SYT14: variants seen among roughly 807,000 people sequenced by gnomAD.
SYT14 encodes synaptotagmin-14.
In SYT14, 32 loss-of-function variants were observed where a neutral mutation model predicts 74.2. The observed-to-expected ratio is 0.43, with a 90% CI of 0.33 to 0.58. The LOEUF (loss-of-function observed/expected upper bound fraction) is 0.58, where lower values mean the gene tolerates loss of function less well. SYT14 is among the 20% of genes least tolerant of loss of function. The pLI is 0.05. For synonymous variants in SYT14, 298 were observed against 337.7 expected (o/e 0.88, Z 1.29); for missense variants, 791 against 981.8 (o/e 0.81, Z 2.60).
chr1:210,162,692 T>C (rs1184170305), exon 10 of SYT14: 2 of 450,076 alleles, frequency 4.4e-6, no homozygotes, highest in South Asian at 3.2e-5. Context: ...AACAAAACAA[T>C]GCGTAGATAT....
chr1:210,155,711 T>G lies in SYT14; in HGVS notation c.2035-10T>G. On this transcript the variant is annotated splice_polypyrimidine_tract_variant and intron_variant, in intron 7 of 9. Coordinates refer to ENST00000637265, the Ensembl canonical transcript of SYT14. ...GCAAAATACTATAAAAATGTTATTATTGATTACAGGGCTGTGACTCCCAAA... is the reference window on the plus strand; with the variant it reads ...GCAAAATACTATAAAAATGTTATTAGTGATTACAGGGCTGTGACTCCCAAA... 6.2e-7 allele frequency: 1 copy of G among 1,613,856 alleles called. No individual in the cohort carries two copies. Among genetic ancestry groups the G allele is most frequent in the Non-Finnish European group, 8.5e-7 (1 of 1,179,852 alleles).
chr1:210,056,947 C>T (rs967239381), intron 5 of SYT14, among the ~76,000 whole-genome samples: 1 of 151,914 alleles, frequency 6.6e-6, no homozygotes, highest in African/African-American at 2.4e-5. Flanking sequence ...CAGGCTCAAG[C>T]AATTCTCCTG....
intron 5 of SYT14, among the ~76,000 whole-genome samples, chr1:210,036,637 T>A (rs1369139490): frequency 2.6e-5 from 4 of 152,260 alleles, no homozygotes; most frequent in Non-Finnish European, 4.4e-5. Flanking sequence ...GATTTTATCA[T>A]GAAGAGATGC....
At chr1:210,118,698 C>T (rs954214166) in intron 7 of SYT14, among the ~76,000 whole-genome samples, 2 of 151,950 alleles carry the variant, frequency 1.3e-5, no homozygotes, top group South Asian at 2.1e-4. Context: ...AGGCTGGTCT[C>T]GAACTCCTGA....
At chr1:210,121,521 G>A (rs574172278) in intron 7 of SYT14, among the ~76,000 whole-genome samples, 20 of 152,244 alleles carry the variant, frequency 1.3e-4, no homozygotes, top group Non-Finnish European at 2.2e-4. Context: ...AGGGCCAGGC[G>A]CGGTGGCTCA....
chr1:210,115,607 G>A (rs776113232), intron 7 of SYT14, among the ~76,000 whole-genome samples: 4 of 151,348 alleles, frequency 2.6e-5, no homozygotes, highest in Non-Finnish European at 5.9e-5. Context: ...TAAGAGAAGG[G>A]AGAGATTGAA....
chr1:209,993,103 G>A (rs1047776117), intron 2 of SYT14, among the ~76,000 whole-genome samples: 3 of 152,174 alleles, frequency 2.0e-5, no homozygotes, highest in Admixed American at 6.5e-5. Flanking sequence ...GCAGAGCCTG[G>A]GAGTTTTTGT....
intron 2 of SYT14, among the ~76,000 whole-genome samples, chr1:209,963,380 G>T (rs1333993411): frequency 6.6e-6 from 1 of 152,016 alleles, no homozygotes; most frequent in African/African-American, 2.4e-5. Flanking sequence ...TCTCTCCTAA[G>T]GTCTTTTCCA....
intron 5 of SYT14, among the ~76,000 whole-genome samples, chr1:210,066,835 T>A (rs916296071): frequency 6.6e-6 from 1 of 152,100 alleles, no homozygotes; most frequent in African/African-American, 2.4e-5. Flanking sequence ...AATTTCAATT[T>A]ATCTCTTGGT....
intron 7 of SYT14, among the ~76,000 whole-genome samples, chr1:210,102,754 T>G (rs975134831): frequency 2.0e-5 from 3 of 152,122 alleles, no homozygotes; most frequent in Admixed American, 6.6e-5. Flanking sequence ...CAATCATGGC[T>G]GATTGTAGCC....
chr1:210,103,614 T>G (rs1000688946), intron 7 of SYT14, among the ~76,000 whole-genome samples: 7 of 150,570 alleles, frequency 4.6e-5, no homozygotes, highest in African/African-American at 1.5e-4. Context: ...TCTTGATCAA[T>G]GCATGATAGA....
At chr1:210,109,591 G>A (rs200751357) in intron 7 of SYT14, among the ~76,000 whole-genome samples, 7 of 119,688 alleles carry the variant, frequency 5.8e-5, no homozygotes, top group African/African-American at 8.3e-5. Flanking sequence ...AAAAAAAAAA[G>A]AGAGAAAAAA....
In SYT14 at chr1:210,056,748, T is replaced by C. The variant is rs564684395; in HGVS notation, c.1312+35494T>C. Among the ~76,000 whole-genome samples, 207 of 150,460 alleles carry C rather than the reference T, an allele frequency of 1.4e-3. 1 individual carries two copies. The highest frequency in any genetic ancestry group is 4.6e-3 in the African/African-American group (190 of 41,078). On this transcript the variant is annotated intron_variant, in intron 5 of 9. Transcript: ENST00000637265. ...GGCTGAGGCAGGAGAATCACGCCAC[T>C]GCACTCCAGCCTGGGCAACAGAGCG...
At chr1:210,081,166 G>C (rs1377865338) in intron 5 of SYT14, among the ~76,000 whole-genome samples, 1 of 152,174 alleles carries the variant, frequency 6.6e-6, no homozygotes, top group African/African-American at 2.4e-5. Context: ...GGATGTCTGA[G>C]ACTTTTCTTA....
chr1:210,068,110 C>A (rs1415554148), intron 5 of SYT14, among the ~76,000 whole-genome samples: 1 of 151,670 alleles, frequency 6.6e-6, no homozygotes, highest in Non-Finnish European at 1.5e-5. Flanking sequence ...TAAGGAAATT[C>A]CCTTTTGTTC....
chr1:210,155,545 G>T (rs894413159), intron 7 of SYT14, among the ~76,000 whole-genome samples, 176 bp from the exon 7 acceptor site: 2 of 152,080 alleles, frequency 1.3e-5, no homozygotes, highest in African/African-American at 4.8e-5. Context: ...TTTACATAAT[G>T]AAAAGAAATC....
chr1:210,029,207 C>T (rs2080476487), intron 5 of SYT14, among the ~76,000 whole-genome samples: 1 of 152,036 alleles, frequency 6.6e-6, no homozygotes, highest in Admixed American at 6.6e-5. Flanking sequence ...AATATTTTTT[C>T]CCATTTTGGG....
intron 5 of SYT14, among the ~76,000 whole-genome samples, chr1:210,047,063 G>A (rs1431609555): frequency 3.3e-5 from 5 of 151,908 alleles, no homozygotes; most frequent in Non-Finnish European, 5.9e-5. Context: ...TTATATTAAT[G>A]TGTCTATCAT....
At chr1:210,099,945 T>G (rs2082031350) in intron 6 of SYT14, 67 bp from the exon 6 acceptor site, 3 of 1,381,140 alleles carry the variant, frequency 2.2e-6, no homozygotes, top group African/African-American at 1.4e-5. Flanking sequence ...AAATATCAAG[T>G]ATTTATTTAC....
Sources: gnomAD v4.1 joint callset for allele counts (sites outside exome capture counted in the v4.1 genomes callset) on GRCh38, gnomAD v4.1.1 for gene constraint, MANE v1.5 for transcripts, NCBI Gene and HGNC (gene_info 2026-07-23, HGNC 2026-07-21) for gene names.